Variants in ENTPD8 observed in about 807,000 individuals in gnomAD.
ENTPD8 encodes the protein ectonucleoside triphosphate diphosphohydrolase 8, also known as E-NTPDase 8.
A neutral mutation model predicts 47.0 loss-of-function variants in ENTPD8; 35 were observed. The ratio of observed to expected loss-of-function variants is 0.75; its 90% CI spans 0.57 to 0.99. The LOEUF is 0.99. Ranked by LOEUF, ENTPD8 falls within the 50% of genes least tolerant of loss-of-function variation. The pLI is 0.00. For synonymous variants in ENTPD8, 308 were observed against 290.5 expected (o/e 1.06, Z -0.61); for missense variants, 668 against 649.9 (o/e 1.03, Z -0.30).
chr9:137,437,689 G>C (rs1310576572), intron 3 of ENTPD8, among the ~76,000 whole-genome samples: 1 of 152,192 alleles, frequency 6.6e-6, no homozygotes. Context: ...GTGGTGCCAG[G>C]GTGGGGAGCA....
rs769075489 is a variant in ENTPD8 at position 137,436,602 on chromosome 9, G to A, written c.705C>T (p.Ser235=). Reference sequence around the variant, plus strand: ...AGCTGTGAGTGTAGACGCTGTAGTCGGAGCCGTAGAGGCGAAAATCGGCCT... The same window carrying A: ...AGCTGTGAGTGTAGACGCTGTAGTCAGAGCCGTAGAGGCGAAAATCGGCCT... ...STQADFRLYG[S]DYSVYTHSYL... Residue 235 remains serine (S), a synonymous_variant, in exon 6 of 10, where the codon TCC becomes TCT. Transcript: ENST00000371506. The A allele has an allele frequency of 1.9e-5, 30 of 1,611,286 alleles. No individual in the cohort carries two copies. Among genetic ancestry groups the A allele is most frequent in the East Asian group, 1.1e-4 (5 of 44,842 alleles).
At chr9:137,435,499 C>A (rs939868658) in intron 8 of ENTPD8, among the ~76,000 whole-genome samples, 161 bp from the exon 9 acceptor site, 1 of 152,232 alleles carries the variant, frequency 6.6e-6, no homozygotes, top group Non-Finnish European at 1.5e-5. Flanking sequence ...TTACGTGGTG[C>A]GGGTTGCGGC....
intron 1 of ENTPD8, among the ~76,000 whole-genome samples, chr9:137,440,264 C>T (rs1285378067): frequency 7.0e-4 from 33 of 47,158 alleles, no homozygotes; most frequent in African/African-American, 2.9e-3. Context: ...ATCAGGACAG[C>T]CCCCCAGACC....
Position 137,435,252 on chromosome 9 carries a change from G to A in ENTPD8, c.1248C>T (p.Gly416=), listed in dbSNP as rs1839309500. Reference sequence around the variant, plus strand: ...GCCAGGTCTCCTCGCTGAACCCGTAGCCCTCGTGCAGGAGGGTGAGGATGT... The same window carrying A: ...GCCAGGTCTCCTCGCTGAACCCGTAACCCTCGTGCAGGAGGGTGAGGATGT... The part of the protein sequence containing the change: ...GLYILTLLHE[G]YGFSEETWPS... The change falls in exon 9 of 10, where the codon GGC becomes GGT. Residue 416 remains glycine (G), a synonymous_variant. Coordinates refer to ENST00000371506, the MANE Select transcript of ENTPD8 (RefSeq NM_001033113.2). The A allele has an allele frequency of 6.2e-7, 1 of 1,612,428 alleles. No homozygotes were observed. Among genetic ancestry groups the A allele is most frequent in the Non-Finnish European group, 8.5e-7 (1 of 1,179,882 alleles).
chr9:137,435,755 G>C lies in ENTPD8; in HGVS notation c.1125C>G (p.Ala375=). 6 of 1,613,534 alleles carry C rather than the reference G, an allele frequency of 3.7e-6. No individual in the cohort carries two copies. The highest frequency in any genetic ancestry group is 5.1e-6 in the Non-Finnish European group (6 of 1,179,916). ...GCCTCTGGCAAAACTCCCAGATGGT[G>C]GCGTTGACCGTGCTCAGGGGCTGCC... ...TSRQPLSTVN[A]TIWEFCQRPW... The change falls in exon 8 of 10, where the codon GCC becomes GCG. Residue 375 remains alanine (A), a synonymous_variant. Coordinates refer to ENST00000371506, the MANE Select transcript of ENTPD8 (RefSeq NM_001033113.2).
Position 137,434,535 on chromosome 9 carries a change from C to A in ENTPD8, c.*379G>T. ...CCAGGTGGGGCAGCTCCCTCCCTTC[C>A]ACCCCTCTCCGCCCCTCCTGAGGCC... On this transcript the variant is annotated 3_prime_UTR_variant, in exon 10 of 10. Coordinates refer to ENST00000371506, the MANE Select transcript of ENTPD8 (RefSeq NM_001033113.2). 1.4e-6 allele frequency: 1 copy of A among 724,650 alleles called. No individual in the cohort carries two copies. The highest frequency in any genetic ancestry group is 2.2e-6 in the Non-Finnish European group (1 of 451,956). 44.9% of individuals were successfully genotyped at this position (724,650 alleles called of 1,614,324 possible). A position where few individuals can be genotyped will look rare whatever the true frequency, so the allele number is the denominator to read the frequency against.
At position 137,441,328 on chromosome 9, in the gene ENTPD8, G is replaced by C; in HGVS notation, c.-63C>G. 1 of 249,484 alleles carries C rather than the reference G, an allele frequency of 4.0e-6. No homozygotes were observed. Among genetic ancestry groups the C allele is most frequent in the South Asian group, 3.6e-5 (1 of 27,398 alleles). 15.5% of individuals were successfully genotyped at this position (249,484 alleles called of 1,614,324 possible). On this transcript the variant is annotated 5_prime_UTR_variant, in exon 1 of 10. Coordinates refer to ENST00000371506, the MANE Select transcript of ENTPD8 (RefSeq NM_001033113.2). Reference sequence around the variant, plus strand: ...TTCCCGGAGCGGCAAGGAGGAAGCTGTGCTTAGACGCTTCTGTGTCCGCGC... The same window carrying C: ...TTCCCGGAGCGGCAAGGAGGAAGCTCTGCTTAGACGCTTCTGTGTCCGCGC...
chr9:137,435,926 C>T (rs1030406113), intron 7 of ENTPD8, 87 bp downstream of exon 7: 16 of 1,602,742 alleles, frequency 1.0e-5, no homozygotes, highest in East Asian at 2.2e-5. Flanking sequence ...CCAGCCTGGG[C>T]CCCTCCTGGG....
At position 137,436,879 on chromosome 9, in the gene ENTPD8, G is replaced by A. The variant is rs578205858; in HGVS notation, c.545C>T (p.Thr182Met). 3.2e-5 allele frequency: 52 copies of A among 1,612,542 alleles called. 1 individual carries two copies. In the South Asian group the frequency reaches 4.4e-4, roughly 14 times the overall value. Residue 182 changes from threonine to methionine, a missense_variant, in exon 5 of 10, where the codon ACG (threonine) becomes ATG (methionine). Coordinates refer to ENST00000371506, the MANE Select transcript of ENTPD8 (RefSeq NM_001033113.2). Reference sequence around the variant, plus strand: ...GGCAGCCTGTGGCACCTTGACCAGCGTCCCCAAGCCGTAGTTGACAGTGAT... The same window carrying A: ...GGCAGCCTGTGGCACCTTGACCAGCATCCCCAAGCCGTAGTTGACAGTGAT... Reference protein sequence around the residue: ...GWITVNYGLGTLVKYSFTGEW... With the variant: ...GWITVNYGLGMLVKYSFTGEW...
intron 8 of ENTPD8, 98 bp downstream of exon 8, chr9:137,435,621 G>T: frequency 7.9e-7 from 1 of 1,267,244 alleles, no homozygotes; most frequent in Non-Finnish European, 1.1e-6. Flanking sequence ...CGGCCCTGCT[G>T]GCCGTGCTGC....
In ENTPD8 at chr9:137,436,169, C is replaced by T. The variant is rs370476406; in HGVS notation, c.894G>A (p.Pro298=). ...CTGTGAGGTTCTGGGGGAGGCTCAG[C>T]GGGGGCGTGGCGTGGACACAGGGTG... The part of the protein sequence containing the change: ...YESPCVHATP[P]LSLPQNLTVE... The change falls in exon 7 of 10, where the codon CCG becomes CCA. Residue 298 remains proline, a synonymous_variant. Coordinates refer to ENST00000371506, the MANE Select transcript of ENTPD8 (RefSeq NM_001033113.2). The T allele has an allele frequency of 4.7e-5, 76 of 1,612,788 alleles. 1 individual carries two copies. The South Asian group carries it at 5.6e-4, about 12-fold the overall frequency.
In ENTPD8 at chr9:137,438,062, C is replaced by A; in HGVS notation, c.149G>T (p.Gly50Val). The A allele has an allele frequency of 6.2e-7, 1 of 1,612,822 alleles. No homozygotes were observed. Among genetic ancestry groups the A allele is most frequent in the Non-Finnish European group, 8.5e-7 (1 of 1,179,752 alleles). The part of the protein sequence containing the change: ...DIKFGIVFDA[G>V]SSHTSLFLYQ... ...CAGGAAGAGGGACGTGTGGGAGGAG[C>A]CCGCATCAAACACGATCCCAAACTG... Residue 50 changes from glycine to valine, a missense_variant, in exon 3 of 10, where the codon GGC (glycine) becomes GTC (valine). Physicochemically the swap from Gly to Val is moderately radical, Grantham distance 109. Transcript: ENST00000371506. This position sits in a 1 kb window ranked among gnomAD's most constrained non-coding sequence, Gnocchi z 5.7.
At chr9:137,435,891 C>A in intron 7 of ENTPD8, 62 bp from the exon 8 acceptor site, 1 of 1,604,696 alleles carries the variant, frequency 6.2e-7, no homozygotes, top group Non-Finnish European at 8.5e-7. Context: ...ATCCACCCCA[C>A]CCGGGCTCCC....
chr9:137,435,811 A>G lies in ENTPD8; in HGVS notation c.1069T>C (p.Tyr357His), dbSNP rs529841481. 22 of 1,613,460 alleles carry G rather than the reference A, an allele frequency of 1.4e-5. No homozygotes were observed. The African/African-American group carries it at 2.5e-4, about 19-fold the overall frequency. Residue 357 changes from tyrosine to histidine, a missense_variant, in exon 8 of 10, where the codon TAC (tyrosine) becomes CAC (histidine). Transcript: ENST00000371506. ...GTGAGGTTCAGGAAGTGGAAGGTGT[A>G]GTAGAAGTTGGAGAAGGCCTGAGTG... The part of the protein sequence containing the change: ...GQFYAFSNFY[Y>H]TFHFLNLTSR...
chr9:137,437,557 C>A (rs1356364656), intron 3 of ENTPD8, among the ~76,000 whole-genome samples: 1 of 152,226 alleles, frequency 6.6e-6, no homozygotes, highest in Non-Finnish European at 1.5e-5. Flanking sequence ...TTTAAGCCCC[C>A]AATTTGTGGT....
Position 137,435,318 on chromosome 9 carries a change from C to T in ENTPD8, c.1182G>A (p.Gly394=). 3.7e-6 allele frequency: 6 copies of T among 1,611,404 alleles called. No individual in the cohort carries two copies. The highest frequency in any genetic ancestry group is 5.1e-6 in the Non-Finnish European group (6 of 1,179,386). ...PWKLVEASYP[G]QDRWLRDYCA... ...AGTAGTCCCGCAGCCAGCGGTCCTG[C>T]CCAGGGTAGCTGGCCTCCACCTGGG... is the stretch of plus-strand genomic sequence containing the variant. The change falls in exon 9 of 10, where the codon GGG becomes GGA. Residue 394 remains glycine (G), a synonymous_variant. Transcript: ENST00000371506.
chr9:137,436,820 A>G (rs926835553), intron 5 of ENTPD8, 49 bp downstream of exon 5: 1 of 1,604,574 alleles, frequency 6.2e-7, no homozygotes, highest in African/African-American at 1.3e-5. Context: ...CCAGCCCCAG[A>G]CACCAGCCCC....
At position 137,438,076 on chromosome 9, in the gene ENTPD8, G is replaced by A. The variant is rs113099702; in HGVS notation, c.135C>T (p.Ile45=). ...VLLPTDIKFG[I]VFDAGSSHTS... is the part of the protein sequence containing the mutation. ...TGTGGGAGGAGCCCGCATCAAACAC[G>A]ATCCCAAACTGGGGAGACAGTGGGA... Residue 45 remains isoleucine, a synonymous_variant, in exon 3 of 10, where the codon ATC becomes ATT. Transcript: ENST00000371506. The surrounding 1 kb of genome is among the most constrained non-coding windows in gnomAD (Gnocchi z 5.7). 4.2e-5 allele frequency: 67 copies of A among 1,612,894 alleles called. No individual in the cohort carries two copies. In the Middle Eastern group the frequency reaches 6.6e-4, roughly 16 times the overall value.
chr9:137,434,910 C>T lies in ENTPD8; in HGVS notation c.*4G>A. 1 of 1,604,800 alleles carries T rather than the reference C, an allele frequency of 6.2e-7. No individual in the cohort carries two copies. Among genetic ancestry groups the T allele is most frequent in the Non-Finnish European group, 8.5e-7 (1 of 1,175,276 alleles). On this transcript the variant is annotated 3_prime_UTR_variant, in exon 10 of 10. Coordinates refer to ENST00000371506, the MANE Select transcript of ENTPD8 (RefSeq NM_001033113.2). ...CTCTGTGGGGGCCCACCTCCGCCTT[C>T]CCACTAGTCCTGCAACCAGAAGAGC...
Sources: allele counts gnomAD v4.1 joint callset (sites outside exome capture counted in the v4.1 genomes callset), GRCh38; gene constraint gnomAD v4.1.1; non-coding constraint Gnocchi (gnomAD v3.1); transcripts MANE v1.5; gene names NCBI Gene and HGNC (gene_info 2026-07-23, HGNC 2026-07-21).